Variants in CLCN3 observed in about 807,000 individuals in gnomAD.
CLCN3 encodes Cl-/H+ antiporter 3.
In CLCN3, 16 loss-of-function variants were observed where a neutral mutation model predicts 83.4. The ratio of observed to expected loss-of-function variants is 0.19; its 90% CI spans 0.13 to 0.29. The LOEUF (loss-of-function observed/expected upper bound fraction) is 0.29, where lower values mean the gene tolerates loss of function less well. Ranked by LOEUF, CLCN3 falls within the 10% of genes least tolerant of loss-of-function variation. The probability of loss-of-function intolerance (pLI) is 1.00; values close to 1 mark genes in which losing one functional copy is unlikely to be tolerated. For synonymous variants in CLCN3, 322 were observed against 346.2 expected (o/e 0.93, Z 0.78); for missense variants, 544 against 1,006.0 (o/e 0.54, Z 6.21).
chr4:169,649,181 G>A (rs191430209), intron 2 of CLCN3, among the ~76,000 whole-genome samples: 72 of 152,306 alleles, frequency 4.7e-4, no homozygotes, highest in Non-Finnish European at 2.2e-4. Context: ...TACAGGTGCA[G>A]TTGCAGGCAG....
Position 169,723,669 on chromosome 4 carries a change from T to C in CLCN3, c.*3672T>C, listed in dbSNP as rs1057463082. The stretch of plus-strand genomic sequence containing the variant: ...AAGCTTTTAGTAAAAAGGAACACAC[T>C]AAAAGTTCAGAGTAGATCATTTATA... On this transcript the variant is annotated 3_prime_UTR_variant, in exon 13 of 13. Coordinates refer to ENST00000513761, the MANE Select transcript of CLCN3 (RefSeq NM_001829.4). 1 of 152,240 alleles carries C rather than the reference T, an allele frequency of 6.6e-6. No individual in the cohort carries two copies. The highest frequency in any genetic ancestry group is 2.4e-5 in the African/African-American group (1 of 41,466). The allele number at this position is 152,240 out of a possible 1,614,324, so 9.4% of individuals were successfully genotyped here. A position where few individuals can be genotyped will look rare whatever the true frequency, so the allele number is the denominator to read the frequency against.
intron 3 of CLCN3, among the ~76,000 whole-genome samples, chr4:169,685,502 C>CT: frequency 6.6e-6 from 1 of 152,026 alleles, no homozygotes; most frequent in Non-Finnish European, 1.5e-5. Context: ...AGCCATCTTG[C>CT]TTTTTTCCTG....
intron 2 of CLCN3, among the ~76,000 whole-genome samples, chr4:169,678,913 A>G (rs1731791632): frequency 6.6e-6 from 1 of 152,210 alleles, no homozygotes; most frequent in Non-Finnish European, 1.5e-5. Context: ...GCCCGTTCTC[A>G]ATGAGCTGTT....
intron 1 of CLCN3, among the ~76,000 whole-genome samples, chr4:169,628,039 C>T (rs1173237229): frequency 6.6e-6 from 1 of 152,120 alleles, no homozygotes; most frequent in African/African-American, 2.4e-5. Context: ...AACAGTTCAA[C>T]GGAGGTAGAT....
At chr4:169,710,355 C>T (rs192528025) in intron 11 of CLCN3, among the ~76,000 whole-genome samples, 9 of 152,300 alleles carry the variant, frequency 5.9e-5, no homozygotes, top group Admixed American at 5.9e-4. Context: ...TCCTCGACTT[C>T]CCTGGCATCC....
intron 10 of CLCN3, among the ~76,000 whole-genome samples, chr4:169,705,366 A>G (rs900121398): frequency 2.0e-5 from 3 of 152,172 alleles, no homozygotes; most frequent in African/African-American, 7.2e-5. Context: ...AAGACAAGAA[A>G]CCTGATTAAT....
chr4:169,656,874 G>A (rs1259411139), intron 2 of CLCN3, among the ~76,000 whole-genome samples: 2 of 152,114 alleles, frequency 1.3e-5, no homozygotes, highest in African/African-American at 2.4e-5. Flanking sequence ...CTAGGGGGTC[G>A]AAGCTTCAGT....
At chr4:169,622,542 G>A (rs1035030387) in intron 1 of CLCN3, among the ~76,000 whole-genome samples, 3 of 152,148 alleles carry the variant, frequency 2.0e-5, no homozygotes, top group African/African-American at 7.2e-5. Flanking sequence ...GATCTAAAAT[G>A]TATAATATTT....
At chr4:169,652,263 T>C (rs1311229742) in intron 2 of CLCN3, among the ~76,000 whole-genome samples, 1 of 152,200 alleles carries the variant, frequency 6.6e-6, no homozygotes, top group East Asian at 1.9e-4. Flanking sequence ...CTTTACTTTG[T>C]GGTTTGCTCA....
Position 169,704,079 on chromosome 4 carries a change from G to T in CLCN3, c.1645G>T (p.Ala549Ser). 1 of 1,614,080 alleles carries T rather than the reference G, an allele frequency of 6.2e-7. No individual in the cohort carries two copies. Among genetic ancestry groups the T allele is most frequent in the Non-Finnish European group, 8.5e-7 (1 of 1,179,996 alleles). ...TGTGGGGATTGCGGTGGAGCAGCTTGCCTACTATCACCACGACTGGTTTAT... is the reference window on the plus strand; with the variant it reads ...TGTGGGGATTGCGGTGGAGCAGCTTTCCTACTATCACCACGACTGGTTTAT... ...RIVGIAVEQLAYYHHDWFIFK... is the reference protein window; with the variant it reads ...RIVGIAVEQLSYYHHDWFIFK... Residue 549 changes from alanine (A) to serine (S), a missense_variant, in exon 10 of 13, where the codon GCC becomes TCC. Coordinates refer to ENST00000513761, the MANE Select transcript of CLCN3 (RefSeq NM_001829.4).
intron 1 of CLCN3, among the ~76,000 whole-genome samples, chr4:169,624,465 C>T (rs1773182061): frequency 6.6e-6 from 1 of 152,094 alleles, no homozygotes; most frequent in Non-Finnish European, 1.5e-5. Context: ...GACAGGGTTT[C>T]ACCCTGTTGG....
Position 169,697,386 on chromosome 4 carries a change from CT to C in CLCN3, c.1220del (p.Phe407SerfsTer34). On this transcript the variant is annotated frameshift_variant, in exon 9 of 13. Transcript: ENST00000513761. LOFTEE classifies it high-confidence loss of function. Reference sequence around the variant, plus strand: ...GGGTATTTGGAGGGCTTTGGGGAGCCTTTTTCATTAGGGCAAATATTGCCTG... The same window carrying C: ...GGGTATTTGGAGGGCTTTGGGGAGCCTTTTCATTAGGGCAAATATTGCCTG... ...LGVFGGLWGA[F>X]FIRANIAWCR... The C allele has an allele frequency of 6.2e-7, 1 of 1,613,916 alleles. No homozygotes were observed. The highest frequency in any genetic ancestry group is 8.5e-7 in the Non-Finnish European group (1 of 1,179,986).
chr4:169,655,264 A>G (rs946881247), intron 2 of CLCN3, among the ~76,000 whole-genome samples: 3 of 152,182 alleles, frequency 2.0e-5, no homozygotes, highest in African/African-American at 7.2e-5. Context: ...GGTAGCATTT[A>G]TTTTCTAATT....
chr4:169,686,419 C>CTT (rs34609299), intron 3 of CLCN3, among the ~76,000 whole-genome samples: 31 of 141,606 alleles, frequency 2.2e-4, no homozygotes, highest in Non-Finnish European at 2.8e-4. Flanking sequence ...TGAAAATTGA[C>CTT]TTTTTTTTTT....
chr4:169,671,915 G>GTTT lies in CLCN3; in HGVS notation c.161-8133_161-8132insTTT, dbSNP rs577432713. On this transcript the variant is annotated intron_variant, in intron 2 of 12. Transcript: ENST00000513761. Reference sequence around the variant, plus strand: ...TCCAAGGCAAATCCTGTCATTTTAGGTTAATAAAATCTAACTGTGAGCACA... The same window carrying GTTT: ...TCCAAGGCAAATCCTGTCATTTTAGGTTTTTAATAAAATCTAACTGTGAGCACA... Among the ~76,000 whole-genome samples the GTTT allele has an allele frequency of 2.3e-3, 356 of 152,172 alleles. 2 individuals carry two copies. Among genetic ancestry groups the GTTT allele is most frequent in the Non-Finnish European group, 2.6e-3 (179 of 68,002 alleles).
intron 3 of CLCN3, among the ~76,000 whole-genome samples, chr4:169,684,247 T>C (rs1254628291): frequency 6.6e-6 from 1 of 152,202 alleles, no homozygotes; most frequent in Non-Finnish European, 1.5e-5. Flanking sequence ...TTTATTAGCT[T>C]GCATATTTCT....
chr4:169,653,841 T>C (rs1560837592), intron 2 of CLCN3, among the ~76,000 whole-genome samples: 2 of 151,916 alleles, frequency 1.3e-5, no homozygotes, highest in Non-Finnish European at 2.9e-5. Flanking sequence ...CCAGCTTTGT[T>C]GTGAACTAAC....
At chr4:169,714,550 C>G (rs1733352744) in intron 12 of CLCN3, among the ~76,000 whole-genome samples, 1 of 152,120 alleles carries the variant, frequency 6.6e-6, no homozygotes, top group African/African-American at 2.4e-5. Flanking sequence ...ATCAGACTGT[C>G]TTTCCTACTT....
At chr4:169,675,972 T>C (rs1169877949) in intron 2 of CLCN3, among the ~76,000 whole-genome samples, 1 of 152,206 alleles carries the variant, frequency 6.6e-6, no homozygotes, top group African/African-American at 2.4e-5. Flanking sequence ...CTTATACATA[T>C]ATGTATACCT....
Sources: gnomAD v4.1 joint callset for allele counts (sites outside exome capture counted in the v4.1 genomes callset) on GRCh38, gnomAD v4.1.1 for gene constraint, MANE v1.5 for transcripts, NCBI Gene and HGNC (gene_info 2026-07-23, HGNC 2026-07-21) for gene names.